NHEJ1: variants seen among roughly 807,000 people sequenced by gnomAD.
NHEJ1 encodes non-homologous end-joining factor 1.
Under a neutral mutation model 39.4 loss-of-function variants are expected in NHEJ1, and 22 were observed. That is an observed-to-expected ratio of 0.56 (90% CI 0.40 to 0.80). NHEJ1 has a LOEUF of 0.80. Among genes scored for constraint, NHEJ1 ranks in the 30% least tolerant of loss-of-function variants. The pLI, the probability that NHEJ1 is intolerant of heterozygous loss-of-function variation, is 0.00. For missense variants in NHEJ1, 329 were observed against 357.1 expected (o/e 0.92, Z 0.63); for synonymous variants, 154 against 135.6 (o/e 1.14, Z -0.94).
chr2:219,116,164 A>AT (rs1394803988), intron 5 of NHEJ1, among the ~76,000 whole-genome samples: 1 of 152,184 alleles, frequency 6.6e-6, no homozygotes, highest in African/African-American at 2.4e-5. Flanking sequence ...AAGTGATTGG[A>AT]TTTGCCTCTG....
intron 3 of NHEJ1, among the ~76,000 whole-genome samples, chr2:219,153,755 T>TA (rs1949822628): frequency 6.7e-6 from 1 of 149,966 alleles, no homozygotes. Context: ...AAACCCAATA[T>TA]ATTCCATAAT....
At chr2:219,144,269 T>C (rs996381140) in intron 5 of NHEJ1, among the ~76,000 whole-genome samples, 2 of 152,132 alleles carry the variant, frequency 1.3e-5, no homozygotes, top group African/African-American at 4.8e-5. Context: ...CCAAACTTAT[T>C]GAAGACTTAC....
chr2:219,110,108 A>G (rs1466343120), intron 5 of NHEJ1, among the ~76,000 whole-genome samples: 1 of 152,124 alleles, frequency 6.6e-6, no homozygotes, highest in Non-Finnish European at 1.5e-5. Context: ...TTGAGAGCTT[A>G]CATGTGCCAA....
intron 5 of NHEJ1, among the ~76,000 whole-genome samples, chr2:219,127,954 A>G (rs754653688): frequency 6.6e-6 from 1 of 151,986 alleles, no homozygotes; most frequent in East Asian, 1.9e-4. Context: ...GCTCTTTGGT[A>G]TGACTTGGCA....
chr2:219,158,782 G>C (rs1949882565), intron 1 of NHEJ1: 1 of 219,112 alleles, frequency 4.6e-6, no homozygotes, highest in East Asian at 1.1e-4. Flanking sequence ...AATAGTTCTT[G>C]TCTTATAAAA....
chr2:219,087,337 A>G (rs1014187096), intron 5 of NHEJ1, among the ~76,000 whole-genome samples: 9 of 152,144 alleles, frequency 5.9e-5, no homozygotes, highest in Non-Finnish European at 1.2e-4. Context: ...AAAGCTCTTC[A>G]TCCCTGCCCT....
At chr2:219,153,080 G>A (rs1357571893) in intron 3 of NHEJ1, among the ~76,000 whole-genome samples, 1 of 152,164 alleles carries the variant, frequency 6.6e-6, no homozygotes, top group African/African-American at 2.4e-5. Context: ...TAGGATTACA[G>A]GTGTGAGCCA....
rs936175028 is a variant in NHEJ1, at chr2:219,146,679, C to T, written c.588+1G>A. On this transcript the variant is annotated splice_donor_variant, in intron 5 of 7. Coordinates refer to ENST00000356853, the MANE Select transcript of NHEJ1 (RefSeq NM_024782.3). LOFTEE classifies it high-confidence loss of function. The stretch of plus-strand genomic sequence containing the variant: ...ACACAAGAAAATGACAAATACCTTA[C>T]CTCTATCATAAATTGTTCCAAGAAG... The T allele has an allele frequency of 6.2e-7, 1 of 1,607,206 alleles. No individual in the cohort carries two copies. Among genetic ancestry groups the T allele is most frequent in the African/African-American group, 1.3e-5 (1 of 74,930 alleles).
chr2:219,112,602 C>A (rs947853146), intron 5 of NHEJ1, among the ~76,000 whole-genome samples: 1 of 152,074 alleles, frequency 6.6e-6, no homozygotes, highest in Non-Finnish European at 1.5e-5. Flanking sequence ...GGAGGCCAAC[C>A]TGCTGAAACA....
chr2:219,139,723 C>G (rs181678185), intron 5 of NHEJ1, among the ~76,000 whole-genome samples: 1 of 152,310 alleles, frequency 6.6e-6, no homozygotes, highest in East Asian at 1.9e-4. Flanking sequence ...TTCGCCCAGA[C>G]TGGAGTGCAG....
chr2:219,075,468 T>C lies in NHEJ1; in HGVS notation c.*913A>G, dbSNP rs1949003754. On this transcript the variant is annotated 3_prime_UTR_variant, in exon 8 of 8. Transcript: ENST00000356853. ...GAAAGTAAATAAACCAGAAATTGGATAGGCGTGGTAGCTCATGCCTGTAAT... is the reference window on the plus strand; with the variant it reads ...GAAAGTAAATAAACCAGAAATTGGACAGGCGTGGTAGCTCATGCCTGTAAT... 6.6e-6 allele frequency: 1 copy of C among 152,150 alleles called. No homozygotes were observed. Among genetic ancestry groups the C allele is most frequent in the Admixed American group, 6.6e-5 (1 of 15,266 alleles). 9.4% of individuals were successfully genotyped at this position (152,150 alleles called of 1,614,324 possible). A position where few individuals can be genotyped will look rare whatever the true frequency, so the allele number is the denominator to read the frequency against.
intron 5 of NHEJ1, among the ~76,000 whole-genome samples, chr2:219,086,435 T>C (rs1366565702): frequency 1.3e-5 from 2 of 152,152 alleles, no homozygotes; most frequent in African/African-American, 2.4e-5. Flanking sequence ...TGTAAGGAAG[T>C]TGGTCCCTGT....
At chr2:219,151,917 G>A (rs922393152) in intron 3 of NHEJ1, among the ~76,000 whole-genome samples, 3 of 152,154 alleles carry the variant, frequency 2.0e-5, no homozygotes, top group Non-Finnish European at 2.9e-5. Context: ...GCAGTGAGCC[G>A]AGATCATGCC....
intron 5 of NHEJ1, among the ~76,000 whole-genome samples, chr2:219,144,901 T>C (rs909387491): frequency 6.6e-6 from 1 of 152,174 alleles, no homozygotes; most frequent in African/African-American, 2.4e-5. Context: ...TAACGGTCTC[T>C]CTTTACCCAT....
intron 5 of NHEJ1, among the ~76,000 whole-genome samples, chr2:219,120,627 TGAA>T (rs1010130994): frequency 6.6e-6 from 1 of 152,198 alleles, no homozygotes; most frequent in African/African-American, 2.4e-5. Context: ...GTAGAAAGAA[TGAA>T]GAAGAGGCGA....
rs1395008416 is a variant in NHEJ1 at position 219,120,796 on chromosome 2, GGGAAATAGAGAGCCACCAAATCTTA to G, written c.588+25859_588+25883del. On this transcript the variant is annotated intron_variant, in intron 5 of 7. Transcript: ENST00000356853. ...GCCCTAGTATGAGCCAATAAATCTA[GGGAAATAGAGAGCCACCAAATCTTA>G]GGGCTAGCCATGTCCTCTCCTAACC... is the stretch of plus-strand genomic sequence containing the variant. Among the ~76,000 whole-genome samples, 4 of 152,148 alleles carry G rather than the reference GGGAAATAGAGAGCCACCAAATCTTA, an allele frequency of 2.6e-5. No individual in the cohort carries two copies. In the East Asian group the frequency reaches 7.7e-4, roughly 29 times the overall value.
chr2:219,132,859 C>A (rs1485738433), intron 5 of NHEJ1, among the ~76,000 whole-genome samples: 1 of 152,136 alleles, frequency 6.6e-6, no homozygotes, highest in Admixed American at 6.5e-5. Context: ...TTAGAATATT[C>A]TTTGTAGATA....
chr2:219,154,656 G>A (rs945702702), intron 3 of NHEJ1, among the ~76,000 whole-genome samples: 5 of 151,914 alleles, frequency 3.3e-5, no homozygotes, highest in African/African-American at 1.2e-4. Flanking sequence ...TTCCCTAGGA[G>A]GGCATTCTTC....
At chr2:219,150,444 T>C (rs1421656783) in intron 3 of NHEJ1, among the ~76,000 whole-genome samples, 1 of 152,196 alleles carries the variant, frequency 6.6e-6, no homozygotes, top group Non-Finnish European at 1.5e-5. Flanking sequence ...GAAGTACTGT[T>C]CAGAATGTGG....
Sources: allele counts gnomAD v4.1 joint callset (sites outside exome capture counted in the v4.1 genomes callset), GRCh38; gene constraint gnomAD v4.1.1; transcripts MANE v1.5; gene names NCBI Gene and HGNC (gene_info 2026-07-23, HGNC 2026-07-21).